LRMDA: variants seen among roughly 807,000 people sequenced by gnomAD.
LRMDA encodes leucine-rich melanocyte differentiation-associated protein.
In LRMDA, 18 loss-of-function variants were observed where a neutral mutation model predicts 29.8. That is an observed-to-expected ratio of 0.60 (90% CI 0.42 to 0.90). The LOEUF is 0.90. Among genes scored for constraint, LRMDA ranks in the 40% least tolerant of loss-of-function variants. LRMDA has a pLI of 0.00. For missense variants in LRMDA, 273 were observed against 273.9 expected (o/e 1.00, Z 0.02); for synonymous variants, 125 against 109.4 (o/e 1.14, Z -0.89).
chr10:75,958,535 G>A (rs866061667), intron 2 of LRMDA, among the ~76,000 whole-genome samples: 9 of 151,396 alleles, frequency 5.9e-5, no homozygotes, highest in African/African-American at 2.2e-4. Context: ...AATGTGTCCT[G>A]GCCTGGAGCA....
At chr10:76,425,203 A>G (rs1842111537) in intron 6 of LRMDA, among the ~76,000 whole-genome samples, 1 of 152,238 alleles carries the variant, frequency 6.6e-6, no homozygotes, top group South Asian at 2.1e-4. Context: ...TGTACACTTT[A>G]ATTTCCAACT....
chr10:76,117,992 C>T (rs940681955), intron 5 of LRMDA, among the ~76,000 whole-genome samples: 1 of 152,126 alleles, frequency 6.6e-6, no homozygotes, highest in Non-Finnish European at 1.5e-5. Flanking sequence ...AGATGTTGAC[C>T]CATTCCCTCT....
chr10:76,044,456 T>C (rs1335308987), intron 3 of LRMDA, among the ~76,000 whole-genome samples: 6 of 142,588 alleles, frequency 4.2e-5, no homozygotes, highest in Non-Finnish European at 9.3e-5. Flanking sequence ...TTTTTTTTTT[T>C]CTTTTGTTGT....
At chr10:76,511,624 C>T (rs1431757466) in intron 6 of LRMDA, among the ~76,000 whole-genome samples, 1 of 151,330 alleles carries the variant, frequency 6.6e-6, no homozygotes, top group Non-Finnish European at 1.5e-5. Flanking sequence ...AGAATAATTT[C>T]ATTCACAATA....
chr10:76,449,442 T>A (rs144989476), intron 6 of LRMDA, among the ~76,000 whole-genome samples: 27 of 152,034 alleles, frequency 1.8e-4, no homozygotes, highest in Admixed American at 3.3e-4. Flanking sequence ...ATTGTTGCTA[T>A]CATTGTTTTT....
At chr10:76,530,868 A>G (rs960162298) in intron 6 of LRMDA, among the ~76,000 whole-genome samples, 23 of 152,174 alleles carry the variant, frequency 1.5e-4, no homozygotes, top group Admixed American at 1.1e-3. Context: ...GATTCTGTGA[A>G]GGGCTAAAGG....
At chr10:75,802,075 G>A (rs1052721553) in intron 2 of LRMDA, among the ~76,000 whole-genome samples, 4 of 152,128 alleles carry the variant, frequency 2.6e-5, no homozygotes, top group African/African-American at 9.7e-5. Flanking sequence ...TCCCAACACA[G>A]GCATGCTGAG....
intron 5 of LRMDA, among the ~76,000 whole-genome samples, chr10:76,314,672 G>A (rs541607402): frequency 1.6e-4 from 25 of 152,224 alleles, no homozygotes; most frequent in African/African-American, 6.0e-4. Context: ...GTTAAATAAG[G>A]TAATTTATTC....
chr10:75,737,892 A>T lies in LRMDA; in HGVS notation c.132-298116A>T, dbSNP rs186690454. On this transcript the variant is annotated intron_variant, in intron 2 of 6. Coordinates refer to ENST00000611255, the MANE Select transcript of LRMDA (RefSeq NM_001305581.2). ...TGAGTTTTTACAGGTTTCACTGGTT[A>T]CTGAGAAACACGTTTTATGATGGAA... is the stretch of plus-strand genomic sequence containing the variant. 5.8e-3 allele frequency among the ~76,000 whole-genome samples: 876 copies of T among 152,320 alleles called. 43 individuals carry two copies. Among genetic ancestry groups the T allele is most frequent in the Non-Finnish European group, 1.2e-3 (81 of 68,026 alleles).
intron 5 of LRMDA, among the ~76,000 whole-genome samples, chr10:76,125,937 G>C (rs964698670): frequency 6.6e-6 from 1 of 152,182 alleles, no homozygotes; most frequent in African/African-American, 2.4e-5. Context: ...TTTTCCTAGG[G>C]GGCTTAAGGA....
intron 5 of LRMDA, among the ~76,000 whole-genome samples, chr10:76,146,430 C>T (rs1030266505): frequency 6.6e-6 from 1 of 151,436 alleles, no homozygotes; most frequent in African/African-American, 2.4e-5. Flanking sequence ...GAATTGATCC[C>T]TTTACCATTA....
At chr10:75,545,736 C>T (rs1840073049) in intron 2 of LRMDA, among the ~76,000 whole-genome samples, 1 of 152,168 alleles carries the variant, frequency 6.6e-6, no homozygotes, top group Non-Finnish European at 1.5e-5. Context: ...TCTCCTGACC[C>T]TAAGTCCTGT....
chr10:76,008,896 A>G (rs1004946299), intron 2 of LRMDA, among the ~76,000 whole-genome samples: 5 of 152,368 alleles, frequency 3.3e-5, no homozygotes, highest in Admixed American at 6.5e-5. Context: ...TTTAAGTGGA[A>G]GAGATTTAGT....
At chr10:75,767,651 A>T (rs1843186814) in intron 2 of LRMDA, among the ~76,000 whole-genome samples, 1 of 152,172 alleles carries the variant, frequency 6.6e-6, no homozygotes, top group African/African-American at 2.4e-5. Flanking sequence ...ATAATTTGAA[A>T]TTTTAAAAAG....
intron 6 of LRMDA, among the ~76,000 whole-genome samples, chr10:76,471,343 A>G (rs1842615786): frequency 6.6e-6 from 1 of 151,782 alleles, no homozygotes; most frequent in Non-Finnish European, 1.5e-5. Flanking sequence ...GTGCAATTTT[A>G]AAATTTTTTG....
chr10:75,841,113 A>G (rs1844532938), intron 2 of LRMDA, among the ~76,000 whole-genome samples: 1 of 152,214 alleles, frequency 6.6e-6, no homozygotes, highest in South Asian at 2.1e-4. Flanking sequence ...TTCACTTTGA[A>G]GCAAAGAGAA....
intron 5 of LRMDA, among the ~76,000 whole-genome samples, chr10:76,276,417 T>A (rs1440021668): frequency 6.6e-6 from 1 of 152,142 alleles, no homozygotes; most frequent in African/African-American, 2.4e-5. Flanking sequence ...GTGTCAGGAT[T>A]ACAAACATGA....
At chr10:76,436,041 G>A (rs759567523) in intron 6 of LRMDA, among the ~76,000 whole-genome samples, 6 of 152,144 alleles carry the variant, frequency 3.9e-5, no homozygotes, top group Non-Finnish European at 7.3e-5. Flanking sequence ...AAAAGGACAC[G>A]CTAGGCTTTA....
chr10:75,789,430 G>T lies in LRMDA; in HGVS notation c.132-246578G>T, dbSNP rs147343590. On this transcript the variant is annotated intron_variant, in intron 2 of 6. Coordinates refer to ENST00000611255, the MANE Select transcript of LRMDA (RefSeq NM_001305581.2). ...ATGTAGGGTCGATATGAGTTGTAGAGATGACCAGATTCAGATAGGAAAGCA... is the reference window on the plus strand; with the variant it reads ...ATGTAGGGTCGATATGAGTTGTAGATATGACCAGATTCAGATAGGAAAGCA... Among the ~76,000 whole-genome samples the T allele has an allele frequency of 4.5e-3, 685 of 152,308 alleles. 5 individuals carry two copies. The highest frequency in any genetic ancestry group is 0.02 in the Middle Eastern group (6 of 294).
Sources: allele counts gnomAD v4.1 joint callset (sites outside exome capture counted in the v4.1 genomes callset), GRCh38; gene constraint gnomAD v4.1.1; transcripts MANE v1.5; gene names NCBI Gene and HGNC (gene_info 2026-07-23, HGNC 2026-07-21).